SLC44A5: variants seen among roughly 807,000 people sequenced by gnomAD.
SLC44A5 encodes the protein choline transporter-like protein 5.
In SLC44A5, 57 loss-of-function variants were observed where a neutral mutation model predicts 101.8. The ratio of observed to expected loss-of-function variants is 0.56; its 90% confidence interval spans 0.45 to 0.70. The LOEUF (loss-of-function observed/expected upper bound fraction) is 0.70, where lower values mean the gene tolerates loss of function less well. Among genes scored for constraint, SLC44A5 ranks in the 30% least tolerant of loss-of-function variants. The pLI, the probability that SLC44A5 is intolerant of heterozygous loss-of-function variation, is 0.00. For synonymous variants in SLC44A5, 281 were observed against 290.9 expected, an observed-to-expected ratio of 0.97 and a Z score of 0.35; for missense variants, 737 against 853.1, an observed-to-expected ratio of 0.86 and a Z score of 1.70.
chr1:75,258,211 G>A (rs2100676107), intron 6 of SLC44A5, among the ~76,000 whole-genome samples: 1 of 152,194 alleles, frequency 6.6e-6, no homozygotes, highest in South Asian at 2.1e-4. Flanking sequence ...CCCCTAGAAA[G>A]GGGGCTGAAG....
the SLC44A5 span, among the ~76,000 whole-genome samples, chr1:75,633,975 T>C: frequency 1.3e-5 from 2 of 152,102 alleles, no homozygotes; most frequent in South Asian, 4.1e-4. Context: ...TCTATTGAGA[T>C]AATCATGTGG....
At chr1:75,312,775 T>A (rs1655409753) in intron 4 of SLC44A5, among the ~76,000 whole-genome samples, 1 of 152,008 alleles carries the variant, frequency 6.6e-6, no homozygotes, top group Non-Finnish European at 1.5e-5. Context: ...TGAATAGCCC[T>A]CAGTGTGGAG....
chr1:75,318,369 T>TAGAAAGAAAGAAAGAAAGAAAGAAAGAA (rs1557657065), intron 4 of SLC44A5, among the ~76,000 whole-genome samples: 1 of 118,112 alleles, frequency 8.5e-6, no homozygotes, highest in Non-Finnish European at 1.7e-5. Context: ...ATCCCATCTC[T>TAGAAAGAAAGAAAGAAAGAAAGAAAGAA]TGAAAGAAAG....
intron 4 of SLC44A5, among the ~76,000 whole-genome samples, chr1:75,330,094 A>AAT (rs372949929): frequency 0.015 from 2,240 of 147,360 alleles, 33 homozygotes; most frequent in South Asian, 0.039. Flanking sequence ...TGGCAAATGA[A>AAT]ATATATATAT....
intron 7 of SLC44A5, 104 bp downstream of exon 7, chr1:75,251,106 C>T (rs1343450196): frequency 3.6e-6 from 3 of 835,938 alleles, no homozygotes; most frequent in African/African-American, 3.4e-5. Flanking sequence ...AATGAACCCC[C>T]TGCCCACGCA....
At chr1:75,634,500 A>T in the SLC44A5 span, among the ~76,000 whole-genome samples, 7 of 151,278 alleles carry the variant, frequency 4.6e-5, no homozygotes, top group Admixed American at 4.0e-4. Flanking sequence ...GCCCTCAGAA[A>T]TAACGCCGCA....
intron 2 of SLC44A5, 30 bp from the exon 3 acceptor site, chr1:75,396,651 T>A (rs1662142221): frequency 1.3e-6 from 2 of 1,580,268 alleles, no homozygotes; most frequent in South Asian, 1.1e-5. Flanking sequence ...GCAAAAAAAA[T>A]ATTTGTAGGG....
the SLC44A5 span, among the ~76,000 whole-genome samples, chr1:75,653,142 C>T: frequency 6.6e-6 from 1 of 152,122 alleles, no homozygotes; most frequent in Non-Finnish European, 1.5e-5. Flanking sequence ...ATAAACATGC[C>T]TTCAAGTTTT....
chr1:75,402,448 G>A (rs758346017), intron 2 of SLC44A5: 49 of 401,730 alleles, frequency 1.2e-4, no homozygotes, highest in South Asian at 7.2e-5. Context: ...CAAGATCAAC[G>A]CAGAAGGCAG....
chr1:75,483,025 T>C (rs1667959675), intron 2 of SLC44A5, among the ~76,000 whole-genome samples: 1 of 152,210 alleles, frequency 6.6e-6, no homozygotes, highest in Non-Finnish European at 1.5e-5. Context: ...AAATTACACT[T>C]TTATTCACAT....
At chr1:75,578,428 T>A (rs1390792535) in intron 1 of SLC44A5, among the ~76,000 whole-genome samples, 1 of 152,044 alleles carries the variant, frequency 6.6e-6, no homozygotes, top group African/African-American at 2.4e-5. Flanking sequence ...GACAGATGAT[T>A]GATAGATAGA....
chr1:75,336,194 C>T (rs1451929037), intron 4 of SLC44A5, among the ~76,000 whole-genome samples: 1 of 152,070 alleles, frequency 6.6e-6, no homozygotes, highest in Non-Finnish European at 1.5e-5. Context: ...CTTTCTCTGT[C>T]ACCCAGGCTG....
intron 3 of SLC44A5, among the ~76,000 whole-genome samples, chr1:75,370,657 CA>C (rs773639236): frequency 7.9e-5 from 12 of 152,132 alleles, no homozygotes; most frequent in African/African-American, 1.2e-4. Flanking sequence ...AAACATTCCA[CA>C]AAAACTCACA....
the SLC44A5 span, among the ~76,000 whole-genome samples, chr1:75,712,769 A>G: frequency 6.6e-6 from 1 of 151,712 alleles, no homozygotes; most frequent in African/African-American, 2.4e-5. Flanking sequence ...AAAAAAAATT[A>G]GTTTTATAAT....
At chr1:75,374,337 C>T (rs1450792319) in intron 3 of SLC44A5, among the ~76,000 whole-genome samples, 1 of 152,200 alleles carries the variant, frequency 6.6e-6, no homozygotes, top group Non-Finnish European at 1.5e-5. Context: ...TACCTCACAA[C>T]CTCCTTGGAC....
chr1:75,669,088 T>C, the SLC44A5 span, among the ~76,000 whole-genome samples: 1 of 151,642 alleles, frequency 6.6e-6, no homozygotes, highest in East Asian at 1.9e-4. Context: ...ATCTTTTCAA[T>C]TAAACTTCCT....
chr1:75,529,030 G>C (rs1670580062), intron 2 of SLC44A5, among the ~76,000 whole-genome samples: 1 of 152,004 alleles, frequency 6.6e-6, no homozygotes, highest in African/African-American at 2.4e-5. Flanking sequence ...ACATTATCTT[G>C]TTTACTTACC....
chr1:75,551,368 G>A (rs117769256), intron 1 of SLC44A5, among the ~76,000 whole-genome samples: 3 of 152,204 alleles, frequency 2.0e-5, no homozygotes, highest in East Asian at 1.9e-4. Context: ...TCCAATAACC[G>A]TATGACAATT....
At chr1:75,294,144 T>G (rs1341536837) in intron 5 of SLC44A5, among the ~76,000 whole-genome samples, 1 of 152,226 alleles carries the variant, frequency 6.6e-6, no homozygotes, top group East Asian at 1.9e-4. Context: ...GTTTCCAAGC[T>G]GTGATCTGAT....
Sources: allele counts gnomAD v4.1 joint callset (sites outside exome capture counted in the v4.1 genomes callset), GRCh38; gene constraint gnomAD v4.1.1; transcripts MANE v1.5; gene names NCBI Gene and HGNC (gene_info 2026-07-23, HGNC 2026-07-21).